The following SH3GLB1 variants were observed in gnomAD, a reference collection of about 807,000 sequenced individuals.
SH3GLB1 encodes the protein SH3 domain containing GRB2 like, endophilin B1.
In SH3GLB1, 17 loss-of-function variants were observed where a neutral mutation model predicts 42.0. The observed-to-expected ratio is 0.40, with a 90% CI of 0.28 to 0.61. The LOEUF is 0.61. SH3GLB1 is among the 20% of genes least tolerant of loss of function. SH3GLB1 has a pLI of 0.36. For synonymous variants in SH3GLB1, 132 were observed against 146.6 expected (o/e 0.90, Z 0.72); for missense variants, 355 against 426.3 (o/e 0.83, Z 1.47).
intron 4 of SH3GLB1, among the ~76,000 whole-genome samples, chr1:86,723,189 G>C (rs966005550): frequency 1.2e-4 from 19 of 152,168 alleles, no homozygotes; most frequent in African/African-American, 4.6e-4. Context: ...GCCTGAGACA[G>C]AAGAACTATC....
At chr1:86,740,429 G>T (rs1364968341) in intron 7 of SH3GLB1, among the ~76,000 whole-genome samples, 3 of 152,194 alleles carry the variant, frequency 2.0e-5, no homozygotes, top group Non-Finnish European at 4.4e-5. Context: ...GTAGATGCAT[G>T]GATACTGAAT....
intron 8 of SH3GLB1, 53 bp from the exon 9 acceptor site, chr1:86,743,075 T>A: frequency 7.3e-7 from 1 of 1,377,674 alleles, no homozygotes; most frequent in Non-Finnish European, 1.0e-6. Context: ...ATTGGTTTTC[T>A]ACTTGTTTAT....
At chr1:86,705,102 A>T (rs1653759300) in intron 1 of SH3GLB1, 131 bp downstream of exon 1, 3 of 581,110 alleles carry the variant, frequency 5.2e-6, no homozygotes, top group Non-Finnish European at 5.7e-6. Flanking sequence ...GGCCTGGGAG[A>T]TGGGCGCGGC....
chr1:86,724,913 A>ATATATATATATATATATAT (rs1553208269), intron 5 of SH3GLB1, among the ~76,000 whole-genome samples: 1 of 122,480 alleles, frequency 8.2e-6, no homozygotes, highest in African/African-American at 3.8e-5. Context: ...ATATATATAT[A>ATATATATATATATATATAT]AAATATATAA....
At position 86,747,748 on chromosome 1, in the gene SH3GLB1, C is replaced by G. The variant is rs1656369808; in HGVS notation, c.*4513C>G. 2 of 152,216 alleles carry G rather than the reference C, an allele frequency of 1.3e-5. No individual in the cohort carries two copies. Among genetic ancestry groups the G allele is most frequent in the Non-Finnish European group, 2.9e-5 (2 of 68,048 alleles). 9.4% of individuals were successfully genotyped at this position (152,216 alleles called of 1,614,324 possible). ...CCTTGACAAACCGTTAAAACAGTAT[C>G]AGAAACCATGTGTACATCCCTGTGC... On this transcript the variant is annotated 3_prime_UTR_variant, in exon 9 of 9. Coordinates refer to ENST00000370558, the MANE Select transcript of SH3GLB1 (RefSeq NM_016009.5).
intron 5 of SH3GLB1, 37 bp downstream of exon 5, chr1:86,724,442 T>C: frequency 7.1e-7 from 1 of 1,415,934 alleles, no homozygotes; most frequent in African/African-American, 1.5e-5. Flanking sequence ...TTAATAACTT[T>C]AAGATTTGTA....
At chr1:86,728,960 G>A (rs142111581) in intron 5 of SH3GLB1, among the ~76,000 whole-genome samples, 1 of 152,238 alleles carries the variant, frequency 6.6e-6, no homozygotes, top group Non-Finnish European at 1.5e-5. Context: ...AGGTACTCCT[G>A]TAATGGCCAG....
intron 1 of SH3GLB1, among the ~76,000 whole-genome samples, chr1:86,705,469 TC>T (rs2101902836): frequency 6.6e-6 from 1 of 152,206 alleles, no homozygotes; most frequent in East Asian, 1.9e-4. Flanking sequence ...CGGCCCTCTT[TC>T]TCCCTGAAAG....
In SH3GLB1 at chr1:86,722,610, G is replaced by T. The variant is rs780459352; in HGVS notation, c.414G>T (p.Thr138=). 2 of 1,609,534 alleles carry T rather than the reference G, an allele frequency of 1.2e-6. No individual in the cohort carries two copies. Among genetic ancestry groups the T allele is most frequent in the Non-Finnish European group, 8.5e-7 (1 of 1,177,888 alleles). ...CAGCAGACAGAGAACTGATTCAAAC[G>T]TCAGCCTTAAATTTTCTTACTCCTT... The part of the protein sequence containing the change: ...IGTADRELIQ[T]SALNFLTPLR... Residue 138 remains threonine, a synonymous_variant, in exon 4 of 9, where the codon ACG becomes ACT. Coordinates refer to ENST00000370558, the MANE Select transcript of SH3GLB1 (RefSeq NM_016009.5).
intron 3 of SH3GLB1, among the ~76,000 whole-genome samples, chr1:86,722,195 C>T (rs1255674361): frequency 3.4e-5 from 5 of 146,748 alleles, no homozygotes; most frequent in East Asian, 2.0e-4. Context: ...TGTTTTTGAT[C>T]GTGGTTGGTT....
intron 2 of SH3GLB1, 121 bp from the exon 3 acceptor site, chr1:86,719,384 GAT>G (rs571220921): frequency 3.3e-4 from 178 of 540,530 alleles, no homozygotes; most frequent in African/African-American, 3.2e-3. Context: ...TATTTATTAA[GAT>G]ATGTGCTTGA....
intron 1 of SH3GLB1, among the ~76,000 whole-genome samples, chr1:86,707,034 T>TA (rs1570401688): frequency 6.6e-6 from 1 of 152,242 alleles, no homozygotes; most frequent in Non-Finnish European, 1.5e-5. Flanking sequence ...ACACTGGTGA[T>TA]ACAGCAGTGA....
chr1:86,715,534 C>G lies in SH3GLB1; in HGVS notation c.73-190C>G, dbSNP rs559628702. Among the ~76,000 whole-genome samples the G allele has an allele frequency of 2.0e-5, 3 of 152,096 alleles. No homozygotes were observed. The East Asian group carries it at 5.8e-4, about 29-fold the overall frequency. ...GTGATGACTGTAAGGTAGGGTCATC[C>G]ACAAAAGAAGTATGGATAAATTACC... On this transcript the variant is annotated intron_variant, in intron 1 of 8. Transcript: ENST00000370558.
rs1001987321 is a variant in SH3GLB1 at position 86,748,002 on chromosome 1, A to C, written c.*4767A>C. 4 of 152,180 alleles carry C rather than the reference A, an allele frequency of 2.6e-5. No homozygotes were observed. The highest frequency in any genetic ancestry group is 6.5e-5 in the Admixed American group (1 of 15,278). 9.4% of individuals were successfully genotyped at this position (152,180 alleles called of 1,614,324 possible). ...TTTATAGATATTTTTAATGGGATCA[A>C]AGTGTACATACTGTTTTGTAACTTT... On this transcript the variant is annotated 3_prime_UTR_variant, in exon 9 of 9. Coordinates refer to ENST00000370558, the MANE Select transcript of SH3GLB1 (RefSeq NM_016009.5).
intron 7 of SH3GLB1, among the ~76,000 whole-genome samples, chr1:86,740,102 A>G (rs568182541): frequency 2.6e-5 from 4 of 151,998 alleles, no homozygotes; most frequent in Admixed American, 6.6e-5. Flanking sequence ...GTGAGCCAAG[A>G]TTGAACCACT....
intron 5 of SH3GLB1, among the ~76,000 whole-genome samples, chr1:86,727,352 TAC>T (rs767598159): frequency 2.0e-5 from 3 of 151,946 alleles, no homozygotes; most frequent in Non-Finnish European, 2.9e-5. Flanking sequence ...TGAACAAAAA[TAC>T]AGTTTTGAAA....
intron 5 of SH3GLB1, 89 bp downstream of exon 5, chr1:86,724,494 C>A: frequency 2.0e-6 from 2 of 1,000,788 alleles, no homozygotes; most frequent in Non-Finnish European, 2.9e-6. Context: ...AGACTATTAA[C>A]TTTAGAGTCT....
intron 7 of SH3GLB1, among the ~76,000 whole-genome samples, chr1:86,739,802 T>C (rs987126086): frequency 3.3e-5 from 5 of 151,770 alleles, no homozygotes; most frequent in African/African-American, 1.2e-4. Flanking sequence ...AAGGATGAGA[T>C]TTTGTGCACA....
At chr1:86,728,273 G>T (rs1312910130) in intron 5 of SH3GLB1, 1 of 439,950 alleles carries the variant, frequency 2.3e-6, no homozygotes, top group Middle Eastern at 4.9e-4. Context: ...TGTAGTGGGG[G>T]TTTTTTAATA....
Sources: gnomAD v4.1 joint callset for allele counts (sites outside exome capture counted in the v4.1 genomes callset) on GRCh38, gnomAD v4.1.1 for gene constraint, MANE v1.5 for transcripts, NCBI Gene and HGNC (gene_info 2026-07-23, HGNC 2026-07-21) for gene names.